TOPAZ1: variants seen among roughly 807,000 people sequenced by gnomAD.
The protein encoded by TOPAZ1 is protein TOPAZ1.
A neutral mutation model predicts 172.2 loss-of-function variants in TOPAZ1; 66 were observed. The observed-to-expected ratio is 0.38, with a 90% CI of 0.31 to 0.47. The LOEUF (loss-of-function observed/expected upper bound fraction) is 0.47. Among genes scored for constraint, TOPAZ1 ranks in the 20% least tolerant of loss-of-function variants. TOPAZ1 has a pLI of 0.99. For missense variants in TOPAZ1, 1,822 were observed against 1,972.4 expected, an observed-to-expected ratio of 0.92 and a Z score of 1.44; for synonymous variants, 681 against 683.9, an observed-to-expected ratio of 1.00 and a Z score of 0.07.
At chr3:44,334,589 A>G (rs765188853), downstream of TOPAZ1, among the ~76,000 whole-genome samples, 1 of 152,214 alleles carries the variant, frequency 6.6e-6, no homozygotes, top group Non-Finnish European at 1.5e-5. Flanking sequence ...TAATGAGAGC[A>G]TTAAAGAGGC....
In TOPAZ1 at chr3:44,242,299, G is replaced by C. The variant is rs779262591; in HGVS notation, c.246G>C (p.Val82=). ...SGAGKAARRQ[V]EGRRGPVSPS... ...CTGGAAAGGCCGCAAGGCGTCAGGT[G>C]GAGGGGCGCAGGGGCCCGGTGAGCC... Residue 82 remains valine, a synonymous_variant, in exon 1 of 20, where the codon GTG becomes GTC. Transcript: ENST00000309765. 3.4e-5 allele frequency: 53 copies of C among 1,551,616 alleles called. No homozygotes were observed. The highest frequency in any genetic ancestry group is 9.8e-5 in the Admixed American group (5 of 50,822).
chr3:44,325,088 TA>T (rs1466693912), intron 18 of TOPAZ1, among the ~76,000 whole-genome samples: 5 of 152,216 alleles, frequency 3.3e-5, no homozygotes, highest in Non-Finnish European at 5.9e-5. Flanking sequence ...GTGAGTAATT[TA>T]TAGCCACTGA....
At chr3:44,319,027 C>T (rs748530775) in intron 16 of TOPAZ1, among the ~76,000 whole-genome samples, 2 of 151,988 alleles carry the variant, frequency 1.3e-5, no homozygotes, top group Non-Finnish European at 2.9e-5. Flanking sequence ...CAGCACAGCT[C>T]GGCCCACAAC....
chr3:44,261,270 C>A lies in TOPAZ1; in HGVS notation c.2956-1149C>A, dbSNP rs112612961. 1.2e-3 allele frequency among the ~76,000 whole-genome samples: 190 copies of A among 152,134 alleles called. 1 individual carries two copies. In the Middle Eastern group the frequency reaches 0.017, roughly 14 times the overall value. Reference sequence around the variant, plus strand: ...TAGTTTTCTAAGAGTTCTAGGTTGTCTTCCAAGGCTTTTATAGTTTTGGGT... The same window carrying A: ...TAGTTTTCTAAGAGTTCTAGGTTGTATTCCAAGGCTTTTATAGTTTTGGGT... On this transcript the variant is annotated intron_variant, in intron 4 of 19. Coordinates refer to ENST00000309765, the MANE Select transcript of TOPAZ1 (RefSeq NM_001145030.2).
intron 18 of TOPAZ1, among the ~76,000 whole-genome samples, chr3:44,327,386 AGTTTTAT>A (rs1700611772): frequency 8.7e-6 from 1 of 114,960 alleles, no homozygotes; most frequent in South Asian, 2.1e-4. Flanking sequence ...ATGTTCTAGA[AGTTTTAT>A]AGGTATTTCC....
intron 12 of TOPAZ1, among the ~76,000 whole-genome samples, chr3:44,297,171 A>AAG (rs1018822877): frequency 6.7e-6 from 1 of 149,798 alleles, no homozygotes; most frequent in Non-Finnish European, 1.5e-5. Context: ...GTCTGTCTCA[A>AAG]AAAAAAAAAA....
At chr3:44,272,206 T>C (rs1699906086) in intron 8 of TOPAZ1, among the ~76,000 whole-genome samples, 2 of 152,246 alleles carry the variant, frequency 1.3e-5, no homozygotes, top group South Asian at 4.1e-4. Flanking sequence ...GCAATGAACA[T>C]AGACGTGCAG....
Position 44,267,113 on chromosome 3 carries a change from C to A in TOPAZ1, c.3137C>A (p.Thr1046Lys). The change falls in exon 6 of 20, where the codon ACA (threonine) becomes AAA (lysine). Residue 1046 changes from threonine (T) to lysine (K), a missense_variant. By Grantham distance (78) the Thr-to-Lys change is moderately conservative (BLOSUM62 -1). Around this residue, in one of 2 missense-constraint regions of TOPAZ1, gnomAD observed 1,489 missense variants for 1,490.8 expected, o/e 1.00. Transcript: ENST00000309765. ...PLNLSGRQEDTILNTWMNDFR... is the reference protein window; with the variant it reads ...PLNLSGRQEDKILNTWMNDFR... The stretch of plus-strand genomic sequence containing the variant: ...AATCTAAGTGGTCGTCAAGAAGACA[C>A]AATACTGAATACCTGGATGAATGGT... 1 of 1,542,152 alleles carries A rather than the reference C, an allele frequency of 6.5e-7. No individual in the cohort carries two copies.
Position 44,267,516 on chromosome 3 carries a change from T to G in TOPAZ1, c.3160+380T>G, listed in dbSNP as rs143746072. ...TTAACGGTGTTGGCCAGGCTGGTCT[T>G]GAACTCCTGACCTCGTAATCTGTCC... On this transcript the variant is annotated intron_variant, in intron 6 of 19. Transcript: ENST00000309765. Among the ~76,000 whole-genome samples, 619 of 152,060 alleles carry G rather than the reference T, an allele frequency of 4.1e-3. 9 individuals are homozygous for G. Among genetic ancestry groups the G allele is most frequent in the African/African-American group, 0.014 (591 of 41,474 alleles).
intron 8 of TOPAZ1, among the ~76,000 whole-genome samples, chr3:44,276,440 A>C (rs999127546): frequency 6.6e-6 from 1 of 151,932 alleles, no homozygotes; most frequent in African/African-American, 2.4e-5. Context: ...TCCTTTCCTT[A>C]ATGTATGTTC....
intron 8 of TOPAZ1, among the ~76,000 whole-genome samples, chr3:44,281,726 A>G (rs1463271148): frequency 1.3e-5 from 2 of 152,192 alleles, no homozygotes; most frequent in Admixed American, 1.3e-4. Flanking sequence ...CTGTTCTAAT[A>G]CATTGGTCAA....
At position 44,242,217 on chromosome 3, in the gene TOPAZ1, G is replaced by C. The variant is rs1437646380; in HGVS notation, c.164G>C (p.Arg55Pro). ...AAGCAAAAGAGGAGAATGGTGGCCC[G>C]GGCCACCCCTGGGAGAGGCGAGGTG... ...ENKQKRRMVA[R>P]ATPGRGEVES... Residue 55 changes from arginine (R) to proline (P), a missense_variant, in exon 1 of 20, where the codon CGG becomes CCG. This residue lies in a region of TOPAZ1 where 1,489 missense variants were observed against 1,490.8 expected (regional missense o/e 1.00). Transcript: ENST00000309765. The C allele has an allele frequency of 6.5e-7, 1 of 1,545,054 alleles. No homozygotes were observed. Among genetic ancestry groups the C allele is most frequent in the Non-Finnish European group, 8.7e-7 (1 of 1,145,044 alleles).
At chr3:44,257,381 G>GTGTGTGTGTGTGTT (rs1559527700) in intron 4 of TOPAZ1, among the ~76,000 whole-genome samples, 19 of 136,954 alleles carry the variant, frequency 1.4e-4, no homozygotes, top group African/African-American at 4.9e-4. Context: ...GTGTGTGTGT[G>GTGTGTGTGTGTGTT]TGTGTGTGTG....
At chr3:44,273,118 G>A (rs1049491738) in intron 8 of TOPAZ1, among the ~76,000 whole-genome samples, 3 of 152,170 alleles carry the variant, frequency 2.0e-5, no homozygotes, top group Non-Finnish European at 4.4e-5. Context: ...TCCACATTCA[G>A]TCTATAAGAA....
chr3:44,301,010 A>G (rs1158770791), intron 12 of TOPAZ1, among the ~76,000 whole-genome samples: 1 of 152,226 alleles, frequency 6.6e-6, no homozygotes, highest in Non-Finnish European at 1.5e-5. Context: ...TTGAATTTTA[A>G]AAGCTAATCT....
chr3:44,307,757 A>C (rs1700351634), intron 15 of TOPAZ1, among the ~76,000 whole-genome samples: 1 of 152,164 alleles, frequency 6.6e-6, no homozygotes, highest in Non-Finnish European at 1.5e-5. Flanking sequence ...AAATTCACGA[A>C]GTAAAAAGAA....
intron 12 of TOPAZ1, among the ~76,000 whole-genome samples, chr3:44,298,909 A>ATT (rs1220596657): frequency 1.5e-4 from 6 of 41,322 alleles, no homozygotes; most frequent in Admixed American, 5.0e-4. Context: ...ATATATATAT[A>ATT]TTTTTTTTTT....
At position 44,287,844 on chromosome 3, in the gene TOPAZ1, G is replaced by T. The variant is rs1438853283; in HGVS notation, c.3681+5G>T. 4.4e-6 allele frequency: 6 copies of T among 1,367,678 alleles called. No homozygotes were observed. Among genetic ancestry groups the T allele is most frequent in the Non-Finnish European group, 6.0e-6 (6 of 1,001,324 alleles). The allele number at this position is 1,367,678 out of a possible 1,614,324, so 84.7% of individuals were successfully genotyped here. ...TTAATTGATATCTTTTGCAAGGTAT[G>T]GTTTTATTTTCTCTTTTATTCTCTG... On this transcript the variant is annotated splice_donor_5th_base_variant and intron_variant, in intron 11 of 19. Transcript: ENST00000309765.
Position 44,244,034 on chromosome 3 carries a change from G to T in TOPAZ1, c.1528G>T (p.Ala510Ser), listed in dbSNP as rs766049240. 3.2e-6 allele frequency: 5 copies of T among 1,551,786 alleles called. No individual in the cohort carries two copies. The highest frequency in any genetic ancestry group is 4.4e-6 in the Non-Finnish European group (5 of 1,147,004). The change falls in exon 2 of 20, where the codon GCT becomes TCT. Residue 510 changes from alanine to serine, a missense_variant. By Grantham distance (99) the Ala-to-Ser change is moderately conservative. Around this residue, in one of 2 missense-constraint regions of TOPAZ1, gnomAD observed 1,489 missense variants for 1,490.8 expected, o/e 1.00. Transcript: ENST00000309765. ...ARISAWCWKK[A>S]SLPESSYFLR... ...AATATCTGCCTGGTGTTGGAAAAAG[G>T]CTTCCTTGCCAGAATCAAGTTACTT... is the stretch of plus-strand genomic sequence containing the variant.
Sources: allele counts gnomAD v4.1 joint callset (sites outside exome capture counted in the v4.1 genomes callset), GRCh38; gene constraint gnomAD v4.1.1; regional missense constraint gnomAD v4.1.1; transcripts MANE v1.5; gene names NCBI Gene and HGNC (gene_info 2026-07-23, HGNC 2026-07-21).